Variants in ZFYVE9 observed in about 807,000 individuals in gnomAD.
ZFYVE9 encodes zinc finger FYVE domain-containing protein 9.
ZFYVE9 carries 43 observed loss-of-function variants against 126.7 expected under a neutral mutation model. That is an observed-to-expected ratio of 0.34 (90% CI 0.27 to 0.44). The LOEUF is 0.44. ZFYVE9 is among the 20% of genes least tolerant of loss of function. ZFYVE9 has a pLI of 1.00. For synonymous variants in ZFYVE9, 521 were observed against 597.4 expected (o/e 0.87, Z 1.87); for missense variants, 1,476 against 1,697.0 (o/e 0.87, Z 2.29).
chr1:52,217,362 C>T (rs1645081510), intron 2 of ZFYVE9, among the ~76,000 whole-genome samples: 1 of 152,158 alleles, frequency 6.6e-6, no homozygotes, highest in Admixed American at 6.5e-5. Context: ...TTGTTTACAA[C>T]TTATGACCAG....
chr1:52,191,991 CA>C (rs1644820001), intron 1 of ZFYVE9, among the ~76,000 whole-genome samples: 1 of 150,224 alleles, frequency 6.7e-6, no homozygotes, highest in Admixed American at 6.6e-5. Context: ...ATGGTCTTAA[CA>C]GCATCTAGAC....
At chr1:52,175,008 A>C (rs1644610886) in intron 1 of ZFYVE9, among the ~76,000 whole-genome samples, 1 of 152,132 alleles carries the variant, frequency 6.6e-6, no homozygotes, top group African/African-American at 2.4e-5. Context: ...ATTTACATTG[A>C]AAGTTAATAT....
At chr1:52,174,953 T>C (rs567413231) in intron 1 of ZFYVE9, among the ~76,000 whole-genome samples, 64 of 152,314 alleles carry the variant, frequency 4.2e-4, no homozygotes, top group African/African-American at 1.4e-3. Flanking sequence ...CTTGACTCTT[T>C]ATCCAATTTG....
rs759033071 is a variant in ZFYVE9, at chr1:52,344,906, A to T, written c.4078A>T (p.Thr1360Ser). The T allele has an allele frequency of 2.5e-6, 4 of 1,614,170 alleles. No individual in the cohort carries two copies. The highest frequency in any genetic ancestry group is 3.4e-6 in the Non-Finnish European group (4 of 1,180,028). Residue 1360 changes from threonine to serine, a missense_variant, in exon 18 of 19, where the codon ACC becomes TCC. By Grantham distance (58) the Thr-to-Ser change is moderately conservative. Around this residue, in one of 2 missense-constraint regions of ZFYVE9, gnomAD observed 669 missense variants for 902.4 expected, o/e 0.74. Coordinates refer to ENST00000287727, the MANE Select transcript of ZFYVE9 (RefSeq NM_004799.4). The part of the protein sequence containing the change: ...HLKLLKEDGM[T>S]KLGLRVTLDS... The stretch of plus-strand genomic sequence containing the variant: ...GAAACTTCTGAAGGAAGATGGAATG[A>T]CCAAACTGGGACTACGTGTGACACT...
intron 1 of ZFYVE9, among the ~76,000 whole-genome samples, chr1:52,151,491 G>A (rs1418867636): frequency 6.6e-6 from 1 of 150,964 alleles, no homozygotes; most frequent in East Asian, 1.9e-4. Context: ...CTTGTCCTGT[G>A]TCTATGTGTG....
At chr1:52,287,583 A>G (rs1645874472) in intron 10 of ZFYVE9, among the ~76,000 whole-genome samples, 1 of 151,976 alleles carries the variant, frequency 6.6e-6, no homozygotes, top group South Asian at 2.1e-4. Flanking sequence ...CTGTTATAAA[A>G]GGAGGGGGTT....
chr1:52,248,471 C>T (rs974529430), intron 4 of ZFYVE9, among the ~76,000 whole-genome samples: 1 of 152,212 alleles, frequency 6.6e-6, no homozygotes, highest in African/African-American at 2.4e-5. Context: ...AGTCCACTGA[C>T]TCAAATGTCA....
chr1:52,245,617 T>G (rs567704826), intron 4 of ZFYVE9, among the ~76,000 whole-genome samples: 1 of 152,312 alleles, frequency 6.6e-6, no homozygotes, highest in Middle Eastern at 3.4e-3. Flanking sequence ...GTAAGTGAAG[T>G]TACGATTCAA....
intron 1 of ZFYVE9, among the ~76,000 whole-genome samples, chr1:52,161,821 A>T (rs1644462627): frequency 6.6e-6 from 1 of 152,168 alleles, no homozygotes; most frequent in Non-Finnish European, 1.5e-5. Context: ...TCCTCAAAAG[A>T]AAGTTTAAAA....
intron 12 of ZFYVE9, among the ~76,000 whole-genome samples, chr1:52,299,598 G>A (rs1646013175): frequency 1.3e-5 from 2 of 152,200 alleles, no homozygotes; most frequent in Non-Finnish European, 2.9e-5. Flanking sequence ...AGGCCAGCCA[G>A]CTGTGTGTTG....
intron 7 of ZFYVE9, among the ~76,000 whole-genome samples, chr1:52,272,719 G>A (rs956093043): frequency 2.1e-5 from 3 of 144,222 alleles, no homozygotes; most frequent in Non-Finnish European, 4.4e-5. Context: ...GCCCAGACTG[G>A]AATGCAGTGG....
chr1:52,229,678 AAC>A (rs1645199959), intron 2 of ZFYVE9, among the ~76,000 whole-genome samples: 1 of 152,202 alleles, frequency 6.6e-6, no homozygotes, highest in African/African-American at 2.4e-5. Context: ...ATACATGGTG[AAC>A]ACAGTCTGGT....
At chr1:52,277,231 A>G (rs1447875412) in intron 8 of ZFYVE9, among the ~76,000 whole-genome samples, 1 of 151,256 alleles carries the variant, frequency 6.6e-6, no homozygotes, top group African/African-American at 2.4e-5. Context: ...AAAATTATCT[A>G]TTGTAAAAAT....
chr1:52,181,516 A>C (rs375630831), intron 1 of ZFYVE9, among the ~76,000 whole-genome samples: 25 of 152,040 alleles, frequency 1.6e-4, no homozygotes, highest in East Asian at 1.4e-3. Context: ...CCGTCTGGGA[A>C]GGGAGAAGCG....
Position 52,295,951 on chromosome 1 carries a change from G to A in ZFYVE9, c.3307G>A (p.Gly1103Arg). The change falls in exon 12 of 19, where the codon GGG becomes AGG. Residue 1103 changes from glycine to arginine, a missense_variant. Coordinates refer to ENST00000287727, the MANE Select transcript of ZFYVE9 (RefSeq NM_004799.4). Reference protein sequence around the residue: ...RFRKPLFGETGHTIMNLLADF... With the variant: ...RFRKPLFGETRHTIMNLLADF... ...TCGGAAGCCATTGTTTGGAGAGACGGGGCATACCATCATGAATCTTCTTGC... is the reference window on the plus strand; with the variant it reads ...TCGGAAGCCATTGTTTGGAGAGACGAGGCATACCATCATGAATCTTCTTGC... 6.2e-7 allele frequency: 1 copy of A among 1,613,670 alleles called. No homozygotes were observed. Among genetic ancestry groups the A allele is most frequent in the Non-Finnish European group, 8.5e-7 (1 of 1,179,840 alleles).
At chr1:52,253,517 C>T (rs1420123773) in intron 4 of ZFYVE9, 49 of 655,844 alleles carry the variant, frequency 7.5e-5, no homozygotes, top group Non-Finnish European at 1.0e-4. Flanking sequence ...ACACGTGGGT[C>T]GCTGGGGAAC....
At position 52,344,768 on chromosome 1, in the gene ZFYVE9, G is replaced by C. The variant is rs773026875; in HGVS notation, c.3940G>C (p.Val1314Leu). ...ANGKVIRWTEVFFLENDDQHN... is the reference protein window; with the variant it reads ...ANGKVIRWTELFFLENDDQHN... The stretch of plus-strand genomic sequence containing the variant: ...AAAGTCTCTTTTGTTTGGGGAACAG[G>C]TGTTTTTCCTAGAAAACGATGACCA... The change falls in exon 18 of 19, where the codon GTG (valine) becomes CTG (leucine). Residue 1314 changes from valine to leucine, a missense_variant and splice_region_variant. This residue lies in a region of ZFYVE9 where 669 missense variants were observed against 902.4 expected (regional missense o/e 0.74). Transcript: ENST00000287727. 6 of 1,613,332 alleles carry C rather than the reference G, an allele frequency of 3.7e-6. No homozygotes were observed. The African/African-American group carries it at 8.0e-5, about 22-fold the overall frequency.
intron 13 of ZFYVE9, among the ~76,000 whole-genome samples, chr1:52,331,173 A>G (rs1646337787): frequency 6.6e-6 from 1 of 152,066 alleles, no homozygotes; most frequent in Non-Finnish European, 1.5e-5. Flanking sequence ...CTGGCCTGCA[A>G]CACTACAGCT....
chr1:52,237,179 G>A (rs1557472526), intron 3 of ZFYVE9, among the ~76,000 whole-genome samples: 1 of 151,946 alleles, frequency 6.6e-6, no homozygotes, highest in Non-Finnish European at 1.5e-5. Context: ...CACCTGTCCT[G>A]GCTTTGCTCA....
Sources: allele counts gnomAD v4.1 joint callset (sites outside exome capture counted in the v4.1 genomes callset), GRCh38; gene constraint gnomAD v4.1.1; regional missense constraint gnomAD v4.1.1; transcripts MANE v1.5; gene names NCBI Gene and HGNC (gene_info 2026-07-23, HGNC 2026-07-21).